The following CDH13 variants were observed in gnomAD, a reference collection of about 807,000 sequenced individuals.
The protein encoded by CDH13 is cadherin 13, also known as cadherin-13.
In CDH13, 24 loss-of-function variants were observed where a neutral mutation model predicts 63.8. That is an observed-to-expected ratio of 0.38 (90% CI 0.27 to 0.53). The LOEUF is 0.53. Among genes scored for constraint, CDH13 ranks in the 20% least tolerant of loss-of-function variants. The pLI is 0.85. For missense variants in CDH13, 1,049 were observed against 903.1 expected, an observed-to-expected ratio of 1.16 and a Z score of -2.07; for synonymous variants, 503 against 355.3, an observed-to-expected ratio of 1.42 and a Z score of -4.67.
intron 5 of CDH13, among the ~76,000 whole-genome samples, chr16:83,221,616 T>G (rs879715999): frequency 9.3e-6 from 1 of 107,800 alleles, no homozygotes; most frequent in African/African-American, 3.6e-5. Flanking sequence ...ATGACGGGAG[T>G]GGAGTGGGAG....
chr16:83,186,144 T>C (rs867159584), intron 4 of CDH13, among the ~76,000 whole-genome samples: 2 of 128,102 alleles, frequency 1.6e-5, no homozygotes, highest in East Asian at 4.2e-4. Flanking sequence ...TATTTTATTT[T>C]ATTTTATTTG....
At chr16:83,779,358 G>A (rs1388977705) in intron 11 of CDH13, among the ~76,000 whole-genome samples, 1 of 124,716 alleles carries the variant, frequency 8.0e-6, no homozygotes, top group Non-Finnish European at 1.6e-5. Context: ...AGTGAGTCGA[G>A]ATTGCGCCAT....
intron 2 of CDH13, among the ~76,000 whole-genome samples, chr16:82,910,244 A>G (rs1362528448): frequency 6.6e-6 from 1 of 152,186 alleles, no homozygotes; most frequent in East Asian, 1.9e-4. Context: ...CTTTGGAACT[A>G]CTTGTCATCA....
chr16:83,583,322 T>G (rs1905812600), intron 7 of CDH13, among the ~76,000 whole-genome samples: 1 of 151,268 alleles, frequency 6.6e-6, no homozygotes, highest in Non-Finnish European at 1.5e-5. Flanking sequence ...GGTTAGGAGT[T>G]GGATGTATAT....
At chr16:82,636,399 T>A (rs1185416480) in intron 1 of CDH13, among the ~76,000 whole-genome samples, 1 of 152,100 alleles carries the variant, frequency 6.6e-6, no homozygotes, top group Non-Finnish European at 1.5e-5. Context: ...ATGGGCACCG[T>A]GGGGGCCTGG....
intron 6 of CDH13, among the ~76,000 whole-genome samples, chr16:83,374,233 C>G (rs1282225890): frequency 6.6e-6 from 1 of 152,164 alleles, no homozygotes; most frequent in Non-Finnish European, 1.5e-5. Context: ...TAGTGTGCCC[C>G]AGACATATTT....
chr16:83,695,676 G>A (rs1288932582), intron 10 of CDH13, among the ~76,000 whole-genome samples: 2 of 152,176 alleles, frequency 1.3e-5, no homozygotes, highest in Non-Finnish European at 2.9e-5. Context: ...ATAGGGGCCA[G>A]GAAGAAAGGA....
At chr16:83,138,515 G>A (rs889134212) in intron 4 of CDH13, among the ~76,000 whole-genome samples, 1 of 152,220 alleles carries the variant, frequency 6.6e-6, no homozygotes, top group Non-Finnish European at 1.5e-5. Context: ...ATCTACGGGC[G>A]AGAGGGACGG....
chr16:83,744,920 G>T (rs939843063), intron 10 of CDH13, among the ~76,000 whole-genome samples: 2 of 152,222 alleles, frequency 1.3e-5, no homozygotes, highest in Non-Finnish European at 2.9e-5. Context: ...CTGGGGGGAA[G>T]CAGCAGAGGG....
At chr16:83,604,971 C>A (rs1439242505) in intron 8 of CDH13, among the ~76,000 whole-genome samples, 1 of 152,158 alleles carries the variant, frequency 6.6e-6, no homozygotes, top group Non-Finnish European at 1.5e-5. Flanking sequence ...TTAACATGGA[C>A]TCTAAAGGTT....
intron 10 of CDH13, among the ~76,000 whole-genome samples, chr16:83,709,741 C>T (rs1250467937): frequency 6.6e-6 from 1 of 152,178 alleles, no homozygotes; most frequent in Non-Finnish European, 1.5e-5. Context: ...AGGAAGTAAA[C>T]ATTTTATTCA....
intron 2 of CDH13, among the ~76,000 whole-genome samples, chr16:82,994,200 C>A (rs1487639541): frequency 1.3e-5 from 2 of 152,168 alleles, no homozygotes; most frequent in Non-Finnish European, 2.9e-5. Flanking sequence ...ACCTCAGAAC[C>A]CATCCTTTGT....
intron 1 of CDH13, among the ~76,000 whole-genome samples, chr16:82,660,574 TGAAA>T (rs1330206184): frequency 6.6e-6 from 1 of 151,096 alleles, no homozygotes; most frequent in Non-Finnish European, 1.5e-5. Flanking sequence ...AGAGATGAAG[TGAAA>T]GAAAGATGAC....
intron 2 of CDH13, among the ~76,000 whole-genome samples, chr16:82,889,753 A>T (rs2041014844): frequency 6.6e-6 from 1 of 152,264 alleles, no homozygotes; most frequent in African/African-American, 2.4e-5. Context: ...AATTGAGTAT[A>T]TCTTGTGAAA....
intron 7 of CDH13, among the ~76,000 whole-genome samples, chr16:83,577,149 C>A (rs2150715282): frequency 6.6e-6 from 1 of 152,290 alleles, no homozygotes; most frequent in South Asian, 2.1e-4. Flanking sequence ...CACTTCCATC[C>A]AAGCATCAGG....
chr16:83,269,485 A>C (rs2088730123), intron 5 of CDH13, among the ~76,000 whole-genome samples: 1 of 151,684 alleles, frequency 6.6e-6, no homozygotes, highest in East Asian at 1.9e-4. Context: ...TGGCAGAATA[A>C]AATTCTTAAA....
intron 6 of CDH13, among the ~76,000 whole-genome samples, chr16:83,468,396 A>C (rs1271544593): frequency 6.6e-6 from 1 of 152,214 alleles, no homozygotes; most frequent in Admixed American, 6.5e-5. Flanking sequence ...CCTCCCCTAG[A>C]GTGTCCAGGG....
chr16:83,287,636 G>A (rs2089352703), intron 5 of CDH13, among the ~76,000 whole-genome samples: 1 of 152,160 alleles, frequency 6.6e-6, no homozygotes, highest in Non-Finnish European at 1.5e-5. Context: ...ACCAAGCTCA[G>A]GGCTCTCACT....
Position 83,515,475 on chromosome 16 carries a change from A to C in CDH13, c.960+28820A>C, listed in dbSNP as rs570773911. On this transcript the variant is annotated intron_variant, in intron 7 of 13. Coordinates refer to ENST00000567109, the MANE Select transcript of CDH13 (RefSeq NM_001257.5). Reference sequence around the variant, plus strand: ...GTCTTTTCCGTGACACAATTGAAGGAGCTTCTGTAATCAGGAGAGAAACTT... The same window carrying C: ...GTCTTTTCCGTGACACAATTGAAGGCGCTTCTGTAATCAGGAGAGAAACTT... Among the ~76,000 whole-genome samples, 7 of 152,338 alleles carry C rather than the reference A, an allele frequency of 4.6e-5. No individual in the cohort carries two copies. In the South Asian group the frequency reaches 1.4e-3, roughly 32 times the overall value.
Sources: allele counts gnomAD v4.1 joint callset (sites outside exome capture counted in the v4.1 genomes callset), GRCh38; gene constraint gnomAD v4.1.1; transcripts MANE v1.5; gene names NCBI Gene and HGNC (gene_info 2026-07-23, HGNC 2026-07-21).